Variants in UBE2Z observed in about 807,000 individuals in gnomAD.
UBE2Z encodes ubiquitin-conjugating enzyme E2 Z.
In UBE2Z, 10 loss-of-function variants were observed where a neutral mutation model predicts 32.6. The observed-to-expected ratio is 0.31, with a 90% CI of 0.19 to 0.52. The LOEUF (loss-of-function observed/expected upper bound fraction) is 0.52. UBE2Z is among the 20% of genes least tolerant of loss of function. UBE2Z has a pLI of 0.97. For synonymous variants in UBE2Z, 183 were observed against 190.8 expected (o/e 0.96, Z 0.34); for missense variants, 343 against 480.9 (o/e 0.71, Z 2.68).
chr17:48,918,595 A>G (rs1213323386), intron 4 of UBE2Z, among the ~76,000 whole-genome samples: 1 of 152,172 alleles, frequency 6.6e-6, no homozygotes, highest in Non-Finnish European at 1.5e-5. Context: ...GGCCTCACAA[A>G]GTGGTAGGAT....
intron 3 of UBE2Z, among the ~76,000 whole-genome samples, chr17:48,915,110 A>G (rs2040709727): frequency 6.6e-6 from 1 of 152,164 alleles, no homozygotes; most frequent in Non-Finnish European, 1.5e-5. Flanking sequence ...TTACCTAGAA[A>G]ACAATGTTGG....
At chr17:48,910,941 A>C (rs1268360490) in intron 2 of UBE2Z, 61 bp downstream of exon 2, 1 of 1,321,246 alleles carries the variant, frequency 7.6e-7, no homozygotes, top group African/African-American at 1.4e-5. Context: ...AGGTTGCAAA[A>C]GCCTAAAAGA....
chr17:48,924,372 A>G (rs1480568811), intron 6 of UBE2Z, among the ~76,000 whole-genome samples: 1 of 152,242 alleles, frequency 6.6e-6, no homozygotes, highest in Non-Finnish European at 1.5e-5. Flanking sequence ...CTGAGGGTTG[A>G]TCACAGAAAC....
At chr17:48,912,763 G>A in intron 2 of UBE2Z, 71 bp from the exon 3 acceptor site, 2 of 1,560,374 alleles carry the variant, frequency 1.3e-6, no homozygotes, top group Admixed American at 1.7e-5. Flanking sequence ...TGGGTAGTAG[G>A]TGGAGGGTAG....
At chr17:48,923,038 A>G in intron 6 of UBE2Z, 101 bp downstream of exon 6, 1 of 1,120,044 alleles carries the variant, frequency 8.9e-7, no homozygotes, top group Non-Finnish European at 1.3e-6. Context: ...TGACACAGCT[A>G]AGCCTGGGTT....
chr17:48,923,222 G>C, intron 6 of UBE2Z: 1 of 195,010 alleles, frequency 5.1e-6, no homozygotes, highest in Non-Finnish European at 1.0e-5. Flanking sequence ...TCAGGAGGCT[G>C]AGGCAGGAGA....
intron 3 of UBE2Z, 32 bp from the exon 4 acceptor site, chr17:48,916,044 C>A: frequency 6.7e-7 from 1 of 1,497,232 alleles, no homozygotes; most frequent in Non-Finnish European, 9.1e-7. Flanking sequence ...CTTTCTCTGC[C>A]TCACCCTCCA....
intron 4 of UBE2Z, among the ~76,000 whole-genome samples, chr17:48,917,707 G>A (rs1052909656): frequency 1.3e-5 from 2 of 152,154 alleles, no homozygotes; most frequent in Non-Finnish European, 2.9e-5. Context: ...CATACTATGT[G>A]AGGTTAAATA....
At chr17:48,920,725 T>G (rs1418218572) in intron 4 of UBE2Z, among the ~76,000 whole-genome samples, 3 of 152,060 alleles carry the variant, frequency 2.0e-5, no homozygotes, top group African/African-American at 7.2e-5. Context: ...AAACAGGAAC[T>G]TACTTTGTTG....
At chr17:48,918,319 G>A (rs1426713030) in intron 4 of UBE2Z, among the ~76,000 whole-genome samples, 1 of 152,034 alleles carries the variant, frequency 6.6e-6, no homozygotes, top group Non-Finnish European at 1.5e-5. Flanking sequence ...ATAATAAAAT[G>A]CCTTTCAAAA....
At position 48,910,866 on chromosome 17, in the gene UBE2Z, G is replaced by A; in HGVS notation, c.376G>A (p.Val126Ile). ...PPGMFVVPDT[V>I]DMTKIHALIT... ...AGGAATGTTCGTTGTACCTGATACT[G>A]TTGACATGACTAAGGTATGTAACTT... The change falls in exon 2 of 7, where the codon GTT (valine) becomes ATT (isoleucine). Residue 126 changes from valine to isoleucine, a missense_variant. By Grantham distance (29) the Val-to-Ile change is conservative. Coordinates refer to ENST00000360943, the MANE Select transcript of UBE2Z (RefSeq NM_023079.5). 6.2e-7 allele frequency: 1 copy of A among 1,613,310 alleles called. No homozygotes were observed. The highest frequency in any genetic ancestry group is 8.5e-7 in the Non-Finnish European group (1 of 1,179,548).
At chr17:48,912,230 A>C (rs1162810100) in intron 2 of UBE2Z, 1 of 152,856 alleles carries the variant, frequency 6.5e-6, no homozygotes, top group African/African-American at 2.4e-5. Context: ...CTAGGCATCC[A>C]TCACACCCCC....
Position 48,908,529 on chromosome 17 carries a change from C to G in UBE2Z, c.26C>G (p.Ala9Gly). The G allele has an allele frequency of 8.1e-7, 1 of 1,236,914 alleles. No homozygotes were observed. The highest frequency in any genetic ancestry group is 1.0e-6 in the Non-Finnish European group (1 of 988,670). The allele number at this position is 1,236,914 out of a possible 1,614,324, so 76.6% of individuals were successfully genotyped here. A position where few individuals can be genotyped will look rare whatever the true frequency, so the allele number is the denominator to read the frequency against. The change falls in exon 1 of 7, where the codon GCG (alanine) becomes GGG (glycine). Residue 9 changes from alanine (A) to glycine (G), a missense_variant. Ala to Gly is a moderately conservative substitution (Grantham distance 60). Around this residue, in one of 4 missense-constraint regions of UBE2Z, gnomAD observed 103 missense variants for 96.2 expected, o/e 1.07. Coordinates refer to ENST00000360943, the MANE Select transcript of UBE2Z (RefSeq NM_023079.5). ...ATGGCGGAGAGTCCGACTGAGGAGG[C>G]GGCAACGGCGGGCGCCGGGGCGGCG... MAESPTEEAATAGAGAAGP... is the reference protein window; with the variant it reads MAESPTEEGATAGAGAAGP...
intron 2 of UBE2Z, chr17:48,911,462 C>T (rs1435878499): frequency 6.5e-6 from 1 of 152,748 alleles, no homozygotes; most frequent in Non-Finnish European, 1.5e-5. Context: ...GGCATAGATA[C>T]CTAGGTTTCT....
chr17:48,916,463 G>C (rs756547663), intron 4 of UBE2Z, among the ~76,000 whole-genome samples: 1 of 151,510 alleles, frequency 6.6e-6, no homozygotes, highest in Non-Finnish European at 1.5e-5. Context: ...ATATTGGCCA[G>C]GCTGGTCTCC....
At chr17:48,910,973 G>C in intron 2 of UBE2Z, 93 bp downstream of exon 2, 2 of 1,003,926 alleles carry the variant, frequency 2.0e-6, no homozygotes, top group Admixed American at 1.7e-5. Flanking sequence ...TCACCTCTCC[G>C]ATTACACAGA....
intron 1 of UBE2Z, 66 bp from the exon 2 acceptor site, chr17:48,910,742 C>A: frequency 8.0e-7 from 1 of 1,245,502 alleles, no homozygotes; most frequent in Non-Finnish European, 1.2e-6. Flanking sequence ...AACTGTCCTG[C>A]TCAAGGGATT....
In UBE2Z at chr17:48,923,004, G is replaced by A. The variant is rs192383128; in HGVS notation, c.894+67G>A. On this transcript the variant is annotated intron_variant, in intron 6 of 6. Coordinates refer to ENST00000360943, the MANE Select transcript of UBE2Z (RefSeq NM_023079.5). The stretch of plus-strand genomic sequence containing the variant: ...GGCCATGTAAAAGCCCCCCACAAGC[G>A]TGGCATCGACAGCTGTCATAGAATG... 8.9e-5 allele frequency: 126 copies of A among 1,414,562 alleles called. No individual in the cohort carries two copies. In the African/African-American group the frequency reaches 1.5e-3, roughly 17 times the overall value. 87.6% of individuals were successfully genotyped at this position (1,414,562 alleles called of 1,614,324 possible). A position where few individuals can be genotyped will look rare whatever the true frequency, so the allele number is the denominator to read the frequency against.
chr17:48,924,386 A>G (rs2040782945), intron 6 of UBE2Z, among the ~76,000 whole-genome samples: 1 of 152,242 alleles, frequency 6.6e-6, no homozygotes, highest in Non-Finnish European at 1.5e-5. Flanking sequence ...CAGAAACAGT[A>G]GCTTAGAGAA....
Sources: allele counts gnomAD v4.1 joint callset (sites outside exome capture counted in the v4.1 genomes callset), GRCh38; gene constraint gnomAD v4.1.1; regional missense constraint gnomAD v4.1.1; transcripts MANE v1.5; gene names NCBI Gene and HGNC (gene_info 2026-07-23, HGNC 2026-07-21).